Variants in CDH23 observed in about 807,000 individuals in gnomAD.
CDH23 encodes cadherin-23.
In CDH23, 189 loss-of-function variants were observed where a neutral mutation model predicts 317.1. The ratio of observed to expected loss-of-function variants is 0.60; its 90% CI spans 0.53 to 0.67. CDH23 has a LOEUF of 0.67. Among genes scored for constraint, CDH23 ranks in the 30% least tolerant of loss-of-function variants. The pLI, the probability that CDH23 is intolerant of heterozygous loss-of-function variation, is 0.00. For synonymous variants in CDH23, 1,839 were observed against 1,876.8 expected, an observed-to-expected ratio of 0.98 and a Z score of 0.52; for missense variants, 4,401 against 4,592.4, an observed-to-expected ratio of 0.96 and a Z score of 1.20.
chr10:71,414,561 T>C (rs1054035515), intron 1 of CDH23, among the ~76,000 whole-genome samples: 17 of 152,342 alleles, frequency 1.1e-4, no homozygotes, highest in Admixed American at 1.0e-3. Flanking sequence ...GTTATTGCAA[T>C]AGCTACAACA....
At chr10:71,472,072 G>A (rs142084610) in intron 3 of CDH23, among the ~76,000 whole-genome samples, 343 of 152,278 alleles carry the variant, frequency 2.3e-3, no homozygotes, top group Middle Eastern at 0.01. Context: ...GGCCAGTCCC[G>A]AGCTTGTTTG....
At chr10:71,721,923 G>A (rs1866576076) in intron 28 of CDH23, among the ~76,000 whole-genome samples, 1 of 152,172 alleles carries the variant, frequency 6.6e-6, no homozygotes, top group African/African-American at 2.4e-5. Flanking sequence ...CTGTTTCCCA[G>A]CACAAATGTT....
intron 3 of CDH23, among the ~76,000 whole-genome samples, chr10:71,452,294 A>G (rs1294679060): frequency 6.6e-6 from 1 of 152,096 alleles, no homozygotes; most frequent in Non-Finnish European, 1.5e-5. Flanking sequence ...CACCACCTTC[A>G]TACCCCATGC....
chr10:71,532,727 GTT>G (rs200038577), intron 6 of CDH23, among the ~76,000 whole-genome samples: 204 of 93,772 alleles, frequency 2.2e-3, no homozygotes, highest in Middle Eastern at 6.8e-3. Flanking sequence ...TTTTTTTTTT[GTT>G]TTTTTTTTTT....
At chr10:71,536,990 T>C (rs72813938) in intron 6 of CDH23, among the ~76,000 whole-genome samples, 32 of 152,246 alleles carry the variant, frequency 2.1e-4, no homozygotes, top group Non-Finnish European at 4.3e-4. Context: ...GATATTTGAT[T>C]GCGAGGCTGC....
chr10:71,696,646 G>A (rs7094726), intron 22 of CDH23, among the ~76,000 whole-genome samples: 94,119 of 152,128 alleles, frequency 0.62, 29,666 homozygotes, highest in Non-Finnish European at 0.71. Context: ...TAGGCATGAC[G>A]GCCAATCCTT....
In CDH23 at chr10:71,751,740, G is replaced by A. The variant is rs375739009; in HGVS notation, c.4845+9819G>A. 6.1e-5 allele frequency: 98 copies of A among 1,598,630 alleles called. No homozygotes were observed. The Middle Eastern group carries it at 7.8e-4, about 13-fold the overall frequency. On this transcript the variant is annotated intron_variant, in intron 38 of 69. Transcript: ENST00000224721. This position sits in a 1 kb window ranked among gnomAD's most constrained non-coding sequence, Gnocchi z 4.9. ...GTGCTGGGCTCCGAAAGCAGATGCC[G>A]CCCAGACTCAGAAGGCTGCCGCTGG...
At chr10:71,689,121 G>C (rs1284352723) in intron 19 of CDH23, among the ~76,000 whole-genome samples, 1 of 130,412 alleles carries the variant, frequency 7.7e-6, no homozygotes, top group African/African-American at 2.6e-5. Context: ...GGGTGGTGGA[G>C]CCAGGGGTGG....
chr10:71,635,670 G>A (rs1026153491), intron 11 of CDH23, among the ~76,000 whole-genome samples: 2 of 151,738 alleles, frequency 1.3e-5, no homozygotes, highest in Non-Finnish European at 2.9e-5. Flanking sequence ...GGAGAGATTG[G>A]AAAGAGGAAG....
intron 11 of CDH23, among the ~76,000 whole-genome samples, chr10:71,640,377 C>T (rs1862480660): frequency 1.3e-5 from 2 of 152,244 alleles, no homozygotes; most frequent in South Asian, 4.1e-4. Context: ...TTCTGTCTTG[C>T]TTCTTCCCAG....
intron 25 of CDH23, among the ~76,000 whole-genome samples, chr10:71,706,467 G>T (rs929296902): frequency 6.6e-6 from 1 of 152,186 alleles, no homozygotes; most frequent in Non-Finnish European, 1.5e-5. Flanking sequence ...CTCCTAGGGT[G>T]CTCAGAGGGC....
intron 1 of CDH23, among the ~76,000 whole-genome samples, chr10:71,411,995 G>A (rs1052125706): frequency 1.3e-5 from 2 of 152,008 alleles, no homozygotes; most frequent in African/African-American, 4.8e-5. Context: ...ATGTAACCTT[G>A]ATCCTAATTT....
intron 7 of CDH23, 45 bp downstream of exon 7, chr10:71,566,981 CCACCCTGGAAG>C: frequency 6.3e-7 from 1 of 1,583,722 alleles, no homozygotes; most frequent in Non-Finnish European, 8.6e-7. Flanking sequence ...CTGCCTCTTC[CCACCCTGGAAG>C]AGAGTGACGG....
intron 18 of CDH23, 126 bp from the exon 19 acceptor site, chr10:71,687,521 T>A: frequency 1.3e-6 from 1 of 791,108 alleles, no homozygotes; most frequent in Non-Finnish European, 2.2e-6. Flanking sequence ...GCTCTGGTTA[T>A]ACGGAGAGGC....
chr10:71,456,879 T>C (rs1054324695), intron 3 of CDH23, among the ~76,000 whole-genome samples: 13 of 152,140 alleles, frequency 8.5e-5, no homozygotes, highest in Non-Finnish European at 1.6e-4. Flanking sequence ...AGAGTCAAAA[T>C]TGAACCTGAA....
intron 9 of CDH23, among the ~76,000 whole-genome samples, chr10:71,614,612 G>T (rs1861084444): frequency 6.6e-6 from 1 of 152,238 alleles, no homozygotes; most frequent in East Asian, 1.9e-4. Context: ...GGAACAGTTA[G>T]TTACAAAACA....
intron 45 of CDH23, among the ~76,000 whole-genome samples, chr10:71,789,609 A>G (rs886390872): frequency 1.7e-4 from 26 of 152,158 alleles, no homozygotes; most frequent in African/African-American, 6.3e-4. Context: ...CTGGCTGGGC[A>G]TCCCCCCTAG....
chr10:71,601,292 A>G (rs1027131518), intron 9 of CDH23, among the ~76,000 whole-genome samples: 2 of 152,238 alleles, frequency 1.3e-5, no homozygotes, highest in African/African-American at 4.8e-5. Flanking sequence ...TTTCACCTCT[A>G]TCCTCAGTTT....
rs886047135 is a variant in CDH23, at chr10:71,730,503, C to T, written c.3614C>T (p.Ala1205Val). The change falls in exon 31 of 70, where the codon GCC becomes GTC. Residue 1205 changes from alanine to valine, a missense_variant. By Grantham distance (64) the Ala-to-Val change is moderately conservative (BLOSUM62 0). Around this residue, in one of 3 missense-constraint regions of CDH23, gnomAD observed 3,068 missense variants for 3,203.3 expected, o/e 0.96. Coordinates refer to ENST00000224721, the MANE Select transcript of CDH23 (RefSeq NM_022124.6). ...TACGTGGAGGACATCAACGATGAGG[C>T]CCCCGTGTTCACACAGCAGCAGTAC... ...IVYVEDINDEAPVFTQQQYSR... is the reference protein window; with the variant it reads ...IVYVEDINDEVPVFTQQQYSR... 2.5e-5 allele frequency: 40 copies of T among 1,613,842 alleles called. No individual in the cohort carries two copies. Among genetic ancestry groups the T allele is most frequent in the Non-Finnish European group, 3.3e-5 (39 of 1,179,866 alleles).
Sources: gnomAD v4.1 joint callset for allele counts (sites outside exome capture counted in the v4.1 genomes callset) on GRCh38, gnomAD v4.1.1 for gene constraint, gnomAD v4.1.1 regional missense constraint, Gnocchi (gnomAD v3.1) non-coding constraint, MANE v1.5 for transcripts, NCBI Gene and HGNC (gene_info 2026-07-23, HGNC 2026-07-21) for gene names.